The following MAP3K6 variants were observed in gnomAD, a reference collection of about 807,000 sequenced individuals.
MAP3K6 encodes apoptosis signal-regulating kinase 2.
Under a neutral mutation model 147.1 loss-of-function variants are expected in MAP3K6, and 105 were observed. The ratio of observed to expected loss-of-function variants is 0.71; its 90% CI spans 0.61 to 0.84. The LOEUF is 0.84. Among genes scored for constraint, MAP3K6 ranks in the 40% least tolerant of loss-of-function variants. The probability of loss-of-function intolerance (pLI) is 0.00; values close to 1 mark genes in which losing one functional copy is unlikely to be tolerated. For synonymous variants in MAP3K6, 695 were observed against 732.4 expected, an observed-to-expected ratio of 0.95 and a Z score of 0.82; for missense variants, 1,569 against 1,715.0, an observed-to-expected ratio of 0.91 and a Z score of 1.50.
At chr1:27,365,007 A>C (rs1571079412) in intron 1 of MAP3K6, 95 bp from the exon 2 acceptor site, 1 of 1,350,550 alleles carries the variant, frequency 7.4e-7, no homozygotes, top group East Asian at 2.4e-5. Context: ...TTGCTGTGGG[A>C]CTCCAGTAGG....
intron 7 of MAP3K6, 38 bp from the exon 8 acceptor site, chr1:27,362,791 C>G: frequency 6.2e-7 from 1 of 1,610,606 alleles, no homozygotes; most frequent in Non-Finnish European, 8.5e-7. Context: ...TGGACTGATG[C>G]CCACAGCACC....
At position 27,358,142 on chromosome 1, in the gene MAP3K6, C is replaced by T. The variant is rs1557557119; in HGVS notation, c.2915+39G>A. On this transcript the variant is annotated intron_variant, in intron 21 of 28. Transcript: ENST00000357582. The surrounding 1 kb of genome is among the most constrained non-coding windows in gnomAD (Gnocchi z 6.2). ...TGTAGGAGAGGAGAAAAAGGCAAAACCAGGCAAAAGGAACCCATCCCAGGA... is the reference window on the plus strand; with the variant it reads ...TGTAGGAGAGGAGAAAAAGGCAAAATCAGGCAAAAGGAACCCATCCCAGGA... 3.2e-6 allele frequency: 5 copies of T among 1,543,222 alleles called. No individual in the cohort carries two copies. The East Asian group carries it at 9.2e-5, about 28-fold the overall frequency.
Position 27,360,902 on chromosome 1 carries a change from C to T in MAP3K6, c.1920+19G>A, listed in dbSNP as rs371176597. 32 of 1,608,266 alleles carry T rather than the reference C, an allele frequency of 2.0e-5. No homozygotes were observed. The highest frequency in any genetic ancestry group is 2.0e-4 in the South Asian group (18 of 90,730). On this transcript the variant is annotated intron_variant, in intron 14 of 28. Coordinates refer to ENST00000357582, the MANE Select transcript of MAP3K6 (RefSeq NM_004672.5). This position sits in a 1 kb window ranked among gnomAD's most constrained non-coding sequence, Gnocchi z 4.5. ...CGCGGCCCCTCGCCCTCCGCGAGCT[C>T]CCAGTCCCGCGTCCTCACCTCCAAC...
chr1:27,364,335 C>T lies in MAP3K6; in HGVS notation c.564G>A (p.Leu188=). Residue 188 remains leucine, a synonymous_variant, in exon 4 of 29, where the codon CTG becomes CTA. Transcript: ENST00000357582. The surrounding 1 kb of genome is among the most constrained non-coding windows in gnomAD (Gnocchi z 4.4). The part of the protein sequence containing the change: ...PYVVTATGRV[L]CGDAGLLRGL... ...CCCGCAGAAGGCCTGCATCACCACA[C>T]AGCACCCGACCAGTGGCCGTCACCA... is the stretch of plus-strand genomic sequence containing the variant. 1.2e-6 allele frequency: 2 copies of T among 1,614,100 alleles called. No homozygotes were observed. Among genetic ancestry groups the T allele is most frequent in the Non-Finnish European group, 1.7e-6 (2 of 1,180,034 alleles).
At position 27,364,495 on chromosome 1, in the gene MAP3K6, C is replaced by T. The variant is rs2015905487; in HGVS notation, c.505-101G>A. 2 of 1,546,990 alleles carry T rather than the reference C, an allele frequency of 1.3e-6. No homozygotes were observed. The highest frequency in any genetic ancestry group is 1.8e-6 in the Non-Finnish European group (2 of 1,122,356). On this transcript the variant is annotated intron_variant, in intron 3 of 28. Transcript: ENST00000357582. This position sits in a 1 kb window ranked among gnomAD's most constrained non-coding sequence, Gnocchi z 4.4. The stretch of plus-strand genomic sequence containing the variant: ...GGTCAGCATCAGTGGGAATTGGAAT[C>T]GCAGGAAAGGGGCACCCGTCATGAG...
At position 27,361,843 on chromosome 1, in the gene MAP3K6, G is replaced by T. The variant is rs1348552458; in HGVS notation, c.1440C>A (p.Thr480=). 1.3e-6 allele frequency: 2 copies of T among 1,575,532 alleles called. No individual in the cohort carries two copies. Among genetic ancestry groups the T allele is most frequent in the Non-Finnish European group, 1.7e-6 (2 of 1,159,430 alleles). The part of the protein sequence containing the change: ...PIWYLVSVME[T]FLLYQHFRPT... ...GCCTGAAGTGCTGGTAGAGCAGGAA[G>T]GTCTCCATCACGGACACCAGGTACC... is the stretch of plus-strand genomic sequence containing the variant. Residue 480 remains threonine (T), a synonymous_variant, in exon 10 of 29, where the codon ACC becomes ACA. Coordinates refer to ENST00000357582, the MANE Select transcript of MAP3K6 (RefSeq NM_004672.5).
At chr1:27,355,899 A>G in intron 27 of MAP3K6, 127 bp downstream of exon 27, 1 of 1,132,372 alleles carries the variant, frequency 8.8e-7, no homozygotes, top group Admixed American at 1.9e-5. Context: ...ATGGGACGAG[A>G]ATACTAAGTG....
In MAP3K6 at chr1:27,355,716, AGT is replaced by A. The variant is rs1557553014; in HGVS notation, c.3739_3740del (p.Thr1247SerfsTer9). On this transcript the variant is annotated frameshift_variant, in exon 28 of 29. Transcript: ENST00000357582. LOFTEE classifies it high-confidence loss of function. ...MLLNHSFTLH[T>X]LLTYATRDDL... is the part of the protein sequence containing the mutation. ...CATCTCGAGTGGCATAGGTGAGCAGAGTGTGGAGGGTGAAGCTATGGTTCAAC... is the reference window on the plus strand; with the variant it reads ...CATCTCGAGTGGCATAGGTGAGCAGAGTGGAGGGTGAAGCTATGGTTCAAC... 6.2e-7 allele frequency: 1 copy of A among 1,614,002 alleles called. No homozygotes were observed. Among genetic ancestry groups the A allele is most frequent in the Admixed American group, 1.7e-5 (1 of 60,016 alleles).
At position 27,360,068 on chromosome 1, in the gene MAP3K6, A is replaced by G; in HGVS notation, c.2183-74T>C. On this transcript the variant is annotated intron_variant, in intron 16 of 28. Coordinates refer to ENST00000357582, the MANE Select transcript of MAP3K6 (RefSeq NM_004672.5). The surrounding 1 kb of genome is among the most constrained non-coding windows in gnomAD (Gnocchi z 4.5). Reference sequence around the variant, plus strand: ...CCACATCTCTCTGCTCAAGGCCCAGACACACCCATGTTGTAGCCCAACTCC... The same window carrying G: ...CCACATCTCTCTGCTCAAGGCCCAGGCACACCCATGTTGTAGCCCAACTCC... The G allele has an allele frequency of 2.5e-6, 4 of 1,601,828 alleles. No homozygotes were observed. The South Asian group carries it at 3.3e-5, about 13-fold the overall frequency.
In MAP3K6 at chr1:27,359,475, A is replaced by G; in HGVS notation, c.2367T>C (p.Ser789=). ...CCAGCCGCTTGGAGGTGCCGAAGTCAGAAATCTTGAGCAGCCCACTGAAGG... is the reference window on the plus strand; with the variant it reads ...CCAGCCGCTTGGAGGTGCCGAAGTCGGAAATCTTGAGCAGCCCACTGAAGG... The part of the protein sequence containing the change: ...INTFSGLLKI[S]DFGTSKRLAG... Residue 789 remains serine, a synonymous_variant, in exon 18 of 29, where the codon TCT becomes TCC. Transcript: ENST00000357582. The surrounding 1 kb of genome is among the most constrained non-coding windows in gnomAD (Gnocchi z 4.4). 6.2e-7 allele frequency: 1 copy of G among 1,614,184 alleles called. No homozygotes were observed. The highest frequency in any genetic ancestry group is 8.5e-7 in the Non-Finnish European group (1 of 1,180,026).
rs1292738208 is a variant in MAP3K6 at position 27,357,866 on chromosome 1, C to T, written c.2926G>A (p.Glu976Lys). The T allele has an allele frequency of 3.1e-6, 5 of 1,590,846 alleles. 1 individual carries two copies. In the South Asian group the frequency reaches 4.5e-5, roughly 14 times the overall value. The change falls in exon 22 of 29, where the codon GAG becomes AAG. Residue 976 changes from glutamate to lysine, a missense_variant. Physicochemically the swap from Glu to Lys is moderately conservative, Grantham distance 56. Coordinates refer to ENST00000357582, the MANE Select transcript of MAP3K6 (RefSeq NM_004672.5). ...GGTSQLRVPE[E>K]PAAEEPASPE... ...GACGCAGGCTCCTCGGCCGCAGGCT[C>T]CTCGGGCACCCTGGGCACAAGGGCG...
At chr1:27,363,634 TCCCA>T (rs769584020) in intron 5 of MAP3K6, 86 bp from the exon 6 acceptor site, 12 of 1,067,080 alleles carry the variant, frequency 1.1e-5, no homozygotes, top group Non-Finnish European at 1.5e-5. Flanking sequence ...ACTCCTGACA[TCCCA>T]CCCAGCCACC....
rs1029544561 is a variant in MAP3K6, at chr1:27,361,864, G to A, written c.1419C>T (p.Tyr473=). 24 of 1,543,630 alleles carry A rather than the reference G, an allele frequency of 1.6e-5. No homozygotes were observed. Among genetic ancestry groups the A allele is most frequent in the Non-Finnish European group, 2.0e-5 (23 of 1,142,818 alleles). Residue 473 remains tyrosine, a synonymous_variant, in exon 10 of 29, where the codon TAC becomes TAT. Coordinates refer to ENST00000357582, the MANE Select transcript of MAP3K6 (RefSeq NM_004672.5). ...GGAAGGTCTCCATCACGGACACCAG[G>A]TACCTGCATGCAAAGCCACATCCTC... The part of the protein sequence containing the change: ...QLYKLNAPIW[Y]LVSVMETFLL...
At chr1:27,362,427 T>C (rs1571073743) in intron 8 of MAP3K6, among the ~76,000 whole-genome samples, 177 bp from the exon 9 acceptor site, 1 of 152,066 alleles carries the variant, frequency 6.6e-6, no homozygotes, top group Non-Finnish European at 1.5e-5. Flanking sequence ...CAGGATGTAA[T>C]GGACACGCAG....
Position 27,366,211 on chromosome 1 carries a change from G to C in MAP3K6, c.340+47C>G, listed in dbSNP as rs2015974649. On this transcript the variant is annotated intron_variant, in intron 1 of 28. Transcript: ENST00000357582. This position sits in a 1 kb window ranked among gnomAD's most constrained non-coding sequence, Gnocchi z 5.5. The stretch of plus-strand genomic sequence containing the variant: ...TCGAGCCCGGCTTGGTCCCCTCCCA[G>C]GACCCTGAGTCCCGCCCGGATCCGG... The C allele has an allele frequency of 4.7e-6, 6 of 1,272,950 alleles. No individual in the cohort carries two copies. Among genetic ancestry groups the C allele is most frequent in the Non-Finnish European group, 5.0e-6 (5 of 1,009,778 alleles). The allele number at this position is 1,272,950 out of a possible 1,614,324, so 78.9% of individuals were successfully genotyped here.
chr1:27,362,367 G>A, intron 8 of MAP3K6, 117 bp from the exon 9 acceptor site: 2 of 1,096,300 alleles, frequency 1.8e-6, no homozygotes, highest in Non-Finnish European at 2.6e-6. Context: ...ATTGAGTATG[G>A]CAAGATCTCG....
In MAP3K6 at chr1:27,356,032, G is replaced by T; in HGVS notation, c.3705C>A (p.Ile1235=). The T allele has an allele frequency of 6.2e-7, 1 of 1,614,020 alleles. No homozygotes were observed. Among genetic ancestry groups the T allele is most frequent in the South Asian group, 1.1e-5 (1 of 91,074 alleles). ...LQELNVDSGT[I]QMLLNHSFTL... Reference sequence around the variant, plus strand: ...CAAGCACTCCCCGACTCACCATTTGGATGGTGCCTGAATCCACATTCAGTT... The same window carrying T: ...CAAGCACTCCCCGACTCACCATTTGTATGGTGCCTGAATCCACATTCAGTT... Residue 1235 remains isoleucine, a synonymous_variant, in exon 27 of 29, where the codon ATC becomes ATA. Transcript: ENST00000357582.
In MAP3K6 at chr1:27,358,937, C is replaced by T. The variant is rs1240327397; in HGVS notation, c.2426-71G>A. 1.4e-5 allele frequency: 21 copies of T among 1,469,770 alleles called. No individual in the cohort carries two copies. Among genetic ancestry groups the T allele is most frequent in the Non-Finnish European group, 1.8e-5 (20 of 1,091,620 alleles). 91.0% of individuals were successfully genotyped at this position (1,469,770 alleles called of 1,614,324 possible). A position where few individuals can be genotyped will look rare whatever the true frequency, so the allele number is the denominator to read the frequency against. On this transcript the variant is annotated intron_variant, in intron 18 of 28. Coordinates refer to ENST00000357582, the MANE Select transcript of MAP3K6 (RefSeq NM_004672.5). This position sits in a 1 kb window ranked among gnomAD's most constrained non-coding sequence, Gnocchi z 6.2. ...GGGGTTGGAGCAGGGAGGGGAATGC[C>T]GTCATCCTCAGGCCGACTGCACCCA...
At position 27,366,286 on chromosome 1, in the gene MAP3K6, G is replaced by T. The variant is rs752238554; in HGVS notation, c.312C>A (p.Thr104=). 2.0e-5 allele frequency: 27 copies of T among 1,336,352 alleles called. No homozygotes were observed. Among genetic ancestry groups the T allele is most frequent in the Non-Finnish European group, 2.5e-5 (26 of 1,044,596 alleles). The allele number at this position is 1,336,352 out of a possible 1,614,324, so 82.8% of individuals were successfully genotyped here. The change falls in exon 1 of 29, where the codon ACC becomes ACA. Residue 104 remains threonine, a synonymous_variant. Coordinates refer to ENST00000357582, the MANE Select transcript of MAP3K6 (RefSeq NM_004672.5). This position sits in a 1 kb window ranked among gnomAD's most constrained non-coding sequence, Gnocchi z 5.5. ...CGTTGTAGAAGGCATCCAGAGCCGC[G>T]GTGTCGCCTAGCTCCAGCGTCCCGA... ...LPFGTLELGD[T]AALDAFYNAD...
Sources: gnomAD v4.1 joint callset for allele counts (sites outside exome capture counted in the v4.1 genomes callset) on GRCh38, gnomAD v4.1.1 for gene constraint, Gnocchi (gnomAD v3.1) non-coding constraint, MANE v1.5 for transcripts, NCBI Gene and HGNC (gene_info 2026-07-23, HGNC 2026-07-21) for gene names.